Variants in LRRC49 observed in about 807,000 individuals in gnomAD.
The protein encoded by LRRC49 is leucine rich repeat containing 49.
LRRC49 carries 50 observed loss-of-function variants against 83.3 expected under a neutral mutation model. That is an observed-to-expected ratio of 0.60 (90% CI 0.48 to 0.76). The LOEUF (loss-of-function observed/expected upper bound fraction) is 0.76, where lower values mean the gene tolerates loss of function less well. Ranked by LOEUF, LRRC49 falls within the 30% of genes least tolerant of loss-of-function variation. The pLI, the probability that LRRC49 is intolerant of heterozygous loss-of-function variation, is 0.00. For synonymous variants in LRRC49, 286 were observed against 283.3 expected, an observed-to-expected ratio of 1.01 and a Z score of -0.10; for missense variants, 704 against 809.1, an observed-to-expected ratio of 0.87 and a Z score of 1.58.
rs1338891785 is a variant in LRRC49 at position 70,892,861 on chromosome 15, C to A, written c.-34C>A. ...CTCCGCTGTAGCGTCACCTGGAAGG[C>A]AGATCTAACAGAGAACCTGGACTGT... On this transcript the variant is annotated 5_prime_UTR_variant, in exon 1 of 16. Transcript: ENST00000260382. The A allele has an allele frequency of 6.2e-7, 1 of 1,614,176 alleles. No homozygotes were observed. The highest frequency in any genetic ancestry group is 1.7e-5 in the Admixed American group (1 of 60,034).
chr15:70,890,411 T>G, upstream of LRRC49, among the ~76,000 whole-genome samples: 1 of 152,274 alleles, frequency 6.6e-6, no homozygotes, highest in South Asian at 2.1e-4. Flanking sequence ...ATGCAAAAAT[T>G]TGTTCTTATA....
At position 70,917,271 on chromosome 15, in the gene LRRC49, G is replaced by T. The variant is rs73445602; in HGVS notation, c.568-1779G>T. On this transcript the variant is annotated intron_variant, in intron 6 of 15. Coordinates refer to ENST00000260382, the MANE Select transcript of LRRC49 (RefSeq NM_017691.5). ...CTGAGCAGAAGGGGGCAGGTCCCTG[G>T]TGACTCCCTACCTTCAGGCCAGACT... 8.2e-3 allele frequency among the ~76,000 whole-genome samples: 1,242 copies of T among 152,286 alleles called. 14 individuals carry two copies. Among genetic ancestry groups the T allele is most frequent in the African/African-American group, 0.027 (1,130 of 41,566 alleles).
At chr15:71,014,100 A>G (rs1003305503) in intron 14 of LRRC49, among the ~76,000 whole-genome samples, 1 of 152,218 alleles carries the variant, frequency 6.6e-6, no homozygotes, top group African/African-American at 2.4e-5. Context: ...TTGATGGAAT[A>G]TAAATCCCAT....
At chr15:70,959,781 C>G (rs988545609) in intron 8 of LRRC49, among the ~76,000 whole-genome samples, 1 of 152,072 alleles carries the variant, frequency 6.6e-6, no homozygotes, top group African/African-American at 2.4e-5. Context: ...GGAATAGTGA[C>G]ACAATACTGA....
intron 8 of LRRC49, among the ~76,000 whole-genome samples, chr15:70,960,364 G>C (rs1027848648): frequency 6.6e-6 from 1 of 152,162 alleles, no homozygotes; most frequent in African/African-American, 2.4e-5. Context: ...TGTTTTTAAA[G>C]TCCAGTCGTT....
intron 7 of LRRC49, among the ~76,000 whole-genome samples, chr15:70,931,899 T>G (rs1374612336): frequency 6.6e-6 from 1 of 152,154 alleles, no homozygotes; most frequent in Non-Finnish European, 1.5e-5. Context: ...TAGATTATGT[T>G]TGTGATGTAA....
At chr15:71,001,593 CTTG>C (rs998292805) in intron 11 of LRRC49, among the ~76,000 whole-genome samples, 4 of 152,072 alleles carry the variant, frequency 2.6e-5, no homozygotes, top group South Asian at 2.1e-4. Flanking sequence ...CCCTACTGCA[CTTG>C]TTGTTGTTGT....
chr15:70,920,174 C>A (rs2034957733), intron 7 of LRRC49, among the ~76,000 whole-genome samples: 2 of 152,076 alleles, frequency 1.3e-5, no homozygotes, highest in African/African-American at 4.8e-5. Context: ...GTTTCAATAC[C>A]TTGAGTTCCC....
At chr15:70,879,376 G>C (rs1456308603) in intron 2 of LRRC49, among the ~76,000 whole-genome samples, 1 of 152,094 alleles carries the variant, frequency 6.6e-6, no homozygotes, top group Non-Finnish European at 1.5e-5. Context: ...TTGATATTAG[G>C]TCACACTTTC....
At chr15:70,915,541 A>G (rs2034736287) in intron 6 of LRRC49, among the ~76,000 whole-genome samples, 1 of 152,090 alleles carries the variant, frequency 6.6e-6, no homozygotes, top group African/African-American at 2.4e-5. Flanking sequence ...TTTGTCTTCC[A>G]TCTCTCCATC....
At chr15:71,028,100 T>C (rs2039232434) in intron 14 of LRRC49, among the ~76,000 whole-genome samples, 1 of 152,224 alleles carries the variant, frequency 6.6e-6, no homozygotes, top group African/African-American at 2.4e-5. Flanking sequence ...ATAGCTCTTA[T>C]TATTTTGAGA....
At chr15:70,927,936 A>G (rs1596029634) in intron 7 of LRRC49, among the ~76,000 whole-genome samples, 1 of 152,168 alleles carries the variant, frequency 6.6e-6, no homozygotes, top group South Asian at 2.1e-4. Flanking sequence ...GGCATGAGCC[A>G]CCATGCCCAG....
chr15:70,985,669 A>G (rs1384539873), intron 11 of LRRC49, among the ~76,000 whole-genome samples: 1 of 151,854 alleles, frequency 6.6e-6, no homozygotes, highest in Non-Finnish European at 1.5e-5. Flanking sequence ...TTTTGTTGCC[A>G]TTGCTTTTGG....
chr15:70,859,279 G>A, intron 1 of LRRC49: 1 of 844,262 alleles, frequency 1.2e-6, no homozygotes, highest in African/African-American at 1.7e-5. Context: ...GTACAGAGGT[G>A]GAGAATGAAT....
chr15:70,932,874 C>T (rs1038917401), intron 7 of LRRC49, among the ~76,000 whole-genome samples: 1 of 151,954 alleles, frequency 6.6e-6, no homozygotes, highest in African/African-American at 2.4e-5. Context: ...GGACTATAGG[C>T]ACACGCCTCC....
At chr15:71,044,615 C>T (rs1217743505) in intron 15 of LRRC49, among the ~76,000 whole-genome samples, 1 of 151,844 alleles carries the variant, frequency 6.6e-6, no homozygotes, top group Non-Finnish European at 1.5e-5. Flanking sequence ...ATGGCAAAGC[C>T]ACATCTTTAC....
At chr15:70,938,494 A>G (rs962955179) in intron 8 of LRRC49, among the ~76,000 whole-genome samples, 3 of 152,072 alleles carry the variant, frequency 2.0e-5, no homozygotes, top group African/African-American at 7.2e-5. Flanking sequence ...GAGGCACAGT[A>G]TGTTTCCTGC....
chr15:71,010,718 C>T (rs1381238634), intron 13 of LRRC49, among the ~76,000 whole-genome samples: 2 of 151,726 alleles, frequency 1.3e-5, no homozygotes, highest in South Asian at 4.2e-4. Flanking sequence ...CCCCCAGCTA[C>T]TCAAAAGCCA....
chr15:70,989,745 TC>T (rs2037787169), intron 11 of LRRC49, among the ~76,000 whole-genome samples: 1 of 152,294 alleles, frequency 6.6e-6, no homozygotes, highest in African/African-American at 2.4e-5. Context: ...CTCTGTTTTT[TC>T]CCCATCTTTG....
Sources: allele counts gnomAD v4.1 joint callset (sites outside exome capture counted in the v4.1 genomes callset), GRCh38; gene constraint gnomAD v4.1.1; transcripts MANE v1.5; gene names NCBI Gene and HGNC (gene_info 2026-07-23, HGNC 2026-07-21).